Variants in HCK observed in about 807,000 individuals in gnomAD.
The protein encoded by HCK is tyrosine-protein kinase HCK.
Under a neutral mutation model 70.4 loss-of-function variants are expected in HCK, and 40 were observed. That is an observed-to-expected ratio of 0.57 (90% CI 0.44 to 0.74). HCK has a LOEUF of 0.74. Ranked by LOEUF, HCK falls within the 30% of genes least tolerant of loss-of-function variation. HCK has a pLI of 0.00. For synonymous variants in HCK, 245 were observed against 263.2 expected (o/e 0.93, Z 0.67); for missense variants, 568 against 697.2 (o/e 0.81, Z 2.09).
chr20:32,079,043 A>G (rs1228606809), intron 5 of HCK, among the ~76,000 whole-genome samples: 1 of 152,154 alleles, frequency 6.6e-6, no homozygotes, highest in African/African-American at 2.4e-5. Context: ...AGGCAGGCTG[A>G]GGTCAGGTCT....
chr20:32,060,603 T>G (rs1391112307), intron 1 of HCK, among the ~76,000 whole-genome samples: 1 of 152,222 alleles, frequency 6.6e-6, no homozygotes, highest in African/African-American at 2.4e-5. Flanking sequence ...AATGGGGACC[T>G]TACTGTCATA....
In HCK at chr20:32,073,708, C is replaced by T; in HGVS notation, c.227-8C>T. ...GAAACCTCACCCTCTGTGTGTCTCC[C>T]TTCCCAGCAGGCTCTGAGGACATCA... On this transcript the variant is annotated splice_region_variant and splice_polypyrimidine_tract_variant and intron_variant, in intron 3 of 12. Coordinates refer to ENST00000375852, the MANE Select transcript of HCK (RefSeq NM_002110.5). 6.5e-7 allele frequency: 1 copy of T among 1,549,714 alleles called. No homozygotes were observed. The highest frequency in any genetic ancestry group is 1.2e-5 in the South Asian group (1 of 84,238).
Position 32,052,446 on chromosome 20 carries a change from G to A in HCK, c.22G>A (p.Glu8Lys), listed in dbSNP as rs572159768. Reference sequence around the variant, plus strand: ...CGAGCTGGGGGGGCGCTCAAGCTGCGAGGATCCGGGCTGCCCGCGAGACGA... The same window carrying A: ...CGAGCTGGGGGGGCGCTCAAGCTGCAAGGATCCGGGCTGCCCGCGAGACGA... Residue 8 changes from glutamate to lysine, a missense_variant, in exon 1 of 13, where the codon GAG becomes AAG. Physicochemically the swap from Glu to Lys is moderately conservative, Grantham distance 56 (BLOSUM62 1). This residue lies in a region of HCK where 318 missense variants were observed against 336.0 expected (regional missense o/e 0.95). Coordinates refer to ENST00000375852, the MANE Select transcript of HCK (RefSeq NM_002110.5). The A allele has an allele frequency of 3.9e-6, 5 of 1,279,594 alleles. No homozygotes were observed. The highest frequency in any genetic ancestry group is 6.3e-5 in the East Asian group (2 of 31,826). The allele number at this position is 1,279,594 out of a possible 1,614,324, so 79.3% of individuals were successfully genotyped here. A position where few individuals can be genotyped will look rare whatever the true frequency, so the allele number is the denominator to read the frequency against.
chr20:32,065,563 G>GTTGA (rs1356486297), intron 1 of HCK, among the ~76,000 whole-genome samples: 1 of 152,152 alleles, frequency 6.6e-6, no homozygotes, highest in Non-Finnish European at 1.5e-5. Context: ...CCTTGATGAT[G>GTTGA]TTGAGGTGGC....
At chr20:32,073,257 A>C (rs1334974891) in intron 2 of HCK, 62 bp from the exon 3 acceptor site, 2 of 1,429,850 alleles carry the variant, frequency 1.4e-6, no homozygotes, top group Non-Finnish European at 2.0e-6. Context: ...CTCAACACAG[A>C]CCTTCCACGG....
intron 4 of HCK, among the ~76,000 whole-genome samples, chr20:32,074,248 G>A (rs775025268): frequency 2.6e-5 from 4 of 152,180 alleles, no homozygotes; most frequent in South Asian, 2.1e-4. Context: ...ATGCCTGGTC[G>A]GACTCCCAAG....
chr20:32,058,233 A>G (rs2045303225), intron 1 of HCK, among the ~76,000 whole-genome samples: 1 of 151,486 alleles, frequency 6.6e-6, no homozygotes, highest in South Asian at 2.1e-4. Context: ...CCAAATCCAA[A>G]AAAAAAATGG....
At chr20:32,060,519 A>G (rs950609101) in intron 1 of HCK, among the ~76,000 whole-genome samples, 1 of 152,172 alleles carries the variant, frequency 6.6e-6, no homozygotes, top group Admixed American at 6.6e-5. Flanking sequence ...CTGGGATTGC[A>G]GGCATGAGCC....
At chr20:32,095,219 G>C (rs1306686834) in intron 11 of HCK, among the ~76,000 whole-genome samples, 1 of 152,156 alleles carries the variant, frequency 6.6e-6, no homozygotes, top group Non-Finnish European at 1.5e-5. Context: ...AAGACCACAT[G>C]TTGTATAATT....
At chr20:32,073,847 C>A in intron 4 of HCK, 29 bp downstream of exon 4, 1 of 1,308,822 alleles carries the variant, frequency 7.6e-7, no homozygotes, top group Non-Finnish European at 1.1e-6. Context: ...CCCCCTAAGA[C>A]AGACCTGCCT....
At chr20:32,071,558 T>G (rs991748220) in intron 1 of HCK, 104 bp from the exon 2 acceptor site, 5 of 1,461,862 alleles carry the variant, frequency 3.4e-6, no homozygotes, top group Non-Finnish European at 4.7e-6. Flanking sequence ...GGAAGGCCAG[T>G]GGGAGCCAGC....
At chr20:32,082,269 T>C (rs1485692448) in intron 6 of HCK, among the ~76,000 whole-genome samples, 1 of 152,198 alleles carries the variant, frequency 6.6e-6, no homozygotes, top group Non-Finnish European at 1.5e-5. Context: ...TAATGAATAT[T>C]ATTCTTATTC....
intron 10 of HCK, among the ~76,000 whole-genome samples, chr20:32,092,846 C>T (rs933707951): frequency 2.6e-5 from 4 of 152,182 alleles, no homozygotes; most frequent in Non-Finnish European, 5.9e-5. Context: ...TTATTATCAT[C>T]ATTCAGATCT....
At chr20:32,069,784 C>A (rs970579291) in intron 1 of HCK, 10 of 1,271,276 alleles carry the variant, frequency 7.9e-6, no homozygotes, top group Non-Finnish European at 8.2e-6. Flanking sequence ...AATCTTTTTT[C>A]ATTTTTAAAA....
chr20:32,071,909 C>A, intron 2 of HCK, 127 bp downstream of exon 2: 1 of 1,153,334 alleles, frequency 8.7e-7, no homozygotes, highest in African/African-American at 1.6e-5. Flanking sequence ...GACTGGCCAC[C>A]AACAGTGTCC....
chr20:32,074,229 G>C (rs1029072243), intron 4 of HCK, among the ~76,000 whole-genome samples: 2 of 152,136 alleles, frequency 1.3e-5, no homozygotes, highest in Admixed American at 6.5e-5. Flanking sequence ...CCCGAGAACG[G>C]GAGTGGTCAT....
At position 32,073,370 on chromosome 20, in the gene HCK, C is replaced by T; in HGVS notation, c.226+9C>T. ...ACCAGGAATCAGGGAGGGTAAGTAT[C>T]TACGAGCAGATGCAGTGGAGTCATG... On this transcript the variant is annotated intron_variant, in intron 3 of 12. Transcript: ENST00000375852. 1 of 1,610,270 alleles carries T rather than the reference C, an allele frequency of 6.2e-7. No individual in the cohort carries two copies.
At chr20:32,099,215 A>G (rs141363017) in intron 12 of HCK, 80 bp downstream of exon 12, 1 of 1,460,268 alleles carries the variant, frequency 6.8e-7, no homozygotes, top group African/African-American at 1.4e-5. Flanking sequence ...TGTCCATTCA[A>G]ACTGAGTTCT....
intron 5 of HCK, among the ~76,000 whole-genome samples, 157 bp from the exon 6 acceptor site, chr20:32,079,617 C>G (rs1044416678): frequency 3.9e-5 from 6 of 152,154 alleles, no homozygotes; most frequent in Non-Finnish European, 7.4e-5. Context: ...TACCTTCTCT[C>G]CCCCAAAAAA....
Sources: gnomAD v4.1 joint callset for allele counts (sites outside exome capture counted in the v4.1 genomes callset) on GRCh38, gnomAD v4.1.1 for gene constraint, gnomAD v4.1.1 regional missense constraint, MANE v1.5 for transcripts, NCBI Gene and HGNC (gene_info 2026-07-23, HGNC 2026-07-21) for gene names.